The following RRP1 variants were observed in gnomAD, a reference collection of about 807,000 sequenced individuals.
RRP1 encodes ribosomal RNA processing protein 1 homolog A.
RRP1 carries 37 observed loss-of-function variants against 54.6 expected under a neutral mutation model. The observed-to-expected ratio is 0.68, with a 90% CI of 0.52 to 0.89. The LOEUF is 0.89. Ranked by LOEUF, RRP1 falls within the 40% of genes least tolerant of loss-of-function variation. The probability of loss-of-function intolerance (pLI) is 0.00; values close to 1 mark genes in which losing one functional copy is unlikely to be tolerated. For synonymous variants in RRP1, 262 were observed against 244.3 expected (o/e 1.07, Z -0.67); for missense variants, 639 against 612.5 (o/e 1.04, Z -0.46).
chr21:43,801,008 T>A (rs960337576), intron 11 of RRP1, 127 bp downstream of exon 11: 1 of 1,054,710 alleles, frequency 9.5e-7, no homozygotes, highest in African/African-American at 1.6e-5. Flanking sequence ...TGGTGGTGTT[T>A]CTGAGGGACA....
Position 43,799,592 on chromosome 21 carries a change from T to C in RRP1, c.834T>C (p.Pro278=), listed in dbSNP as rs1050392262. The C allele has an allele frequency of 1.2e-6, 2 of 1,612,162 alleles. No homozygotes were observed. Among genetic ancestry groups the C allele is most frequent in the Non-Finnish European group, 8.5e-7 (1 of 1,179,842 alleles). The part of the protein sequence containing the change: ...PPAGSICRAE[P]EAGEEQAGDD... ...CAGGCTCCATCTGCAGGGCTGAACCTGAGGCTGGTGAGGAGCAGGCAGGTG... is the reference window on the plus strand; with the variant it reads ...CAGGCTCCATCTGCAGGGCTGAACCCGAGGCTGGTGAGGAGCAGGCAGGTG... The change falls in exon 9 of 13, where the codon CCT becomes CCC. Residue 278 remains proline, a synonymous_variant. Coordinates refer to ENST00000497547, the MANE Select transcript of RRP1 (RefSeq NM_003683.6).
At chr21:43,800,286 T>TGTGCCCCGCAGTGC (rs377201851) in intron 9 of RRP1, among the ~76,000 whole-genome samples, 2 of 151,886 alleles carry the variant, frequency 1.3e-5, no homozygotes, top group East Asian at 1.9e-4. Context: ...TCTTCCAGAG[T>TGTGCCCCGCAGTGC]GTGCCCCGCA....
At chr21:43,803,426 T>C (rs569016873) in intron 12 of RRP1, 86 bp from the exon 13 acceptor site, 1 of 1,460,374 alleles carries the variant, frequency 6.8e-7, no homozygotes, top group East Asian at 2.5e-5. Context: ...AGGTCTGTGG[T>C]GCTGGCATCC....
chr21:43,804,450 C>G lies in RRP1; in HGVS notation c.*676C>G, dbSNP rs986104227. 1 of 152,378 alleles carries G rather than the reference C, an allele frequency of 6.6e-6. No individual in the cohort carries two copies. Among genetic ancestry groups the G allele is most frequent in the African/African-American group, 2.4e-5 (1 of 41,456 alleles). The allele number at this position is 152,378 out of a possible 1,614,324, so 9.4% of individuals were successfully genotyped here. On this transcript the variant is annotated 3_prime_UTR_variant, in exon 13 of 13. Transcript: ENST00000497547. The surrounding 1 kb of genome is among the most constrained non-coding windows in gnomAD (Gnocchi z 4.3). ...GGGTCCGCAGGCTGCGCACCTCTTT[C>G]CCTCAGCCAGGTCACCCTCAGCGTC...
At chr21:43,802,187 G>A in intron 11 of RRP1, 87 bp from the exon 12 acceptor site, 1 of 917,004 alleles carries the variant, frequency 1.1e-6, no homozygotes, top group Non-Finnish European at 1.8e-6. Context: ...AGGAGGTGGT[G>A]CTGGCTGGGG....
intron 7 of RRP1, 35 bp from the exon 8 acceptor site, chr21:43,797,872 C>T (rs2070538): frequency 0.2 from 314,785 of 1,594,082 alleles, 37,291 homozygotes; most frequent in African/African-American, 0.52. Flanking sequence ...TCCAGCATAA[C>T]GGGCCTGCTC....
At position 43,795,244 on chromosome 21, in the gene RRP1, A is replaced by C; in HGVS notation, c.416A>C (p.Glu139Ala). ...SLKVLKMQGWEERQIEELLEL... is the reference protein window; with the variant it reads ...SLKVLKMQGWAERQIEELLEL... The stretch of plus-strand genomic sequence containing the variant: ...AAGGTTCTGAAGATGCAAGGCTGGG[A>C]AGAAAGGTGGGTGCGCGGCGGGCCT... Residue 139 changes from glutamate (E) to alanine (A), a missense_variant, in exon 5 of 13, where the codon GAA becomes GCA. Coordinates refer to ENST00000497547, the MANE Select transcript of RRP1 (RefSeq NM_003683.6). 6.2e-7 allele frequency: 1 copy of C among 1,613,686 alleles called. No individual in the cohort carries two copies. Among genetic ancestry groups the C allele is most frequent in the Non-Finnish European group, 8.5e-7 (1 of 1,179,950 alleles).
At chr21:43,793,763 C>T (rs1393525464) in intron 4 of RRP1, among the ~76,000 whole-genome samples, 2 of 152,196 alleles carry the variant, frequency 1.3e-5, no homozygotes, top group African/African-American at 4.8e-5. Context: ...GCGGTCACGC[C>T]CTAGCATGAG....
intron 4 of RRP1, among the ~76,000 whole-genome samples, chr21:43,794,603 G>C (rs1042892800): frequency 7.2e-5 from 11 of 152,214 alleles, no homozygotes; most frequent in Non-Finnish European, 2.9e-5. Flanking sequence ...GGGCGTGTGG[G>C]CATGCTGGGT....
intron 5 of RRP1, among the ~76,000 whole-genome samples, chr21:43,795,701 A>C (rs1394954207): frequency 6.6e-6 from 1 of 152,214 alleles, no homozygotes; most frequent in Non-Finnish European, 1.5e-5. Context: ...GATGTGCACC[A>C]CCAGGCCCAC....
At chr21:43,791,522 G>C in intron 2 of RRP1, 90 bp downstream of exon 2, 4 of 1,240,636 alleles carry the variant, frequency 3.2e-6, no homozygotes, top group Non-Finnish European at 4.6e-6. Context: ...TTTTTTTTAA[G>C]TCGGAGTTTC....
Position 43,803,776 on chromosome 21 carries a change from G to A in RRP1, c.*2G>A, listed in dbSNP as rs2123424732. The A allele has an allele frequency of 6.3e-7, 1 of 1,575,370 alleles. No individual in the cohort carries two copies. Among genetic ancestry groups the A allele is most frequent in the Non-Finnish European group, 8.6e-7 (1 of 1,158,040 alleles). ...AAGAAGAAGAAACGCAGGGAGTGAT[G>A]TGGCCGGGCCAAGGACAGGCAGGGA... On this transcript the variant is annotated 3_prime_UTR_variant, in exon 13 of 13. Coordinates refer to ENST00000497547, the MANE Select transcript of RRP1 (RefSeq NM_003683.6).
At chr21:43,792,843 G>A in intron 3 of RRP1, 114 bp downstream of exon 3, 2 of 1,114,358 alleles carry the variant, frequency 1.8e-6, no homozygotes, top group Non-Finnish European at 2.7e-6. Context: ...GAATGCCTAA[G>A]GGCAAGAGAG....
rs1009949460 is a variant in RRP1 at position 43,804,129 on chromosome 21, G to A, written c.*355G>A. ...AAGTGTCGCTTCAGGTGTGTCCTAC[G>A]GACGTGTGGGAGGTGGCAGGCGCCA... On this transcript the variant is annotated 3_prime_UTR_variant, in exon 13 of 13. Transcript: ENST00000497547. This position sits in a 1 kb window ranked among gnomAD's most constrained non-coding sequence, Gnocchi z 4.3. The A allele has an allele frequency of 1.6e-5, 4 of 249,830 alleles. No individual in the cohort carries two copies. Among genetic ancestry groups the A allele is most frequent in the African/African-American group, 4.5e-5 (2 of 44,904 alleles). The allele number at this position is 249,830 out of a possible 1,614,324, so 15.5% of individuals were successfully genotyped here. A position where few individuals can be genotyped will look rare whatever the true frequency, so the allele number is the denominator to read the frequency against.
intron 5 of RRP1, among the ~76,000 whole-genome samples, chr21:43,795,663 C>T (rs910490198): frequency 6.6e-5 from 10 of 152,214 alleles, no homozygotes; most frequent in African/African-American, 2.4e-4. Flanking sequence ...ATCCTCCTGC[C>T]TCAGCCGCCC....
chr21:43,791,724 G>A (rs1251918164), intron 2 of RRP1, among the ~76,000 whole-genome samples: 1 of 152,016 alleles, frequency 6.6e-6, no homozygotes, highest in African/African-American at 2.4e-5. Flanking sequence ...GGCTGGTCTC[G>A]AACTCCTGAG....
chr21:43,791,955 C>T (rs2123406891), intron 2 of RRP1, among the ~76,000 whole-genome samples: 1 of 152,310 alleles, frequency 6.6e-6, no homozygotes, highest in East Asian at 1.9e-4. Flanking sequence ...TGCACTGCAG[C>T]AGCACTGGCA....
chr21:43,796,631 G>C (rs566429121), intron 5 of RRP1, among the ~76,000 whole-genome samples: 3 of 152,098 alleles, frequency 2.0e-5, no homozygotes, highest in Admixed American at 1.3e-4. Context: ...TCTTCCTCTT[G>C]GTCTCAGCAC....
At chr21:43,795,394 T>A in intron 5 of RRP1, 144 bp downstream of exon 5, 1 of 784,048 alleles carries the variant, frequency 1.3e-6, no homozygotes, top group Non-Finnish European at 2.1e-6. Context: ...AGATAGTTTT[T>A]AAAGTAAAAA....
Sources: allele counts gnomAD v4.1 joint callset (sites outside exome capture counted in the v4.1 genomes callset), GRCh38; gene constraint gnomAD v4.1.1; non-coding constraint Gnocchi (gnomAD v3.1); transcripts MANE v1.5; gene names NCBI Gene and HGNC (gene_info 2026-07-23, HGNC 2026-07-21).